Variants in ADAMTS17 observed in about 807,000 individuals in gnomAD.
The protein encoded by ADAMTS17 is A disintegrin and metalloproteinase with thrombospondin motifs 17.
ADAMTS17 carries 113 observed loss-of-function variants against 141.5 expected under a neutral mutation model. The observed-to-expected ratio is 0.80, with a 90% CI of 0.69 to 0.93. ADAMTS17 has a LOEUF of 0.93. Ranked by LOEUF, ADAMTS17 falls within the 40% of genes least tolerant of loss-of-function variation. The pLI, the probability that ADAMTS17 is intolerant of heterozygous loss-of-function variation, is 0.00. For missense variants in ADAMTS17, 1,659 were observed against 1,517.9 expected (o/e 1.09, Z -1.54); for synonymous variants, 768 against 630.6 (o/e 1.22, Z -3.27).
chr15:100,049,546 C>A (rs112125309), intron 17 of ADAMTS17, among the ~76,000 whole-genome samples: 1 of 152,210 alleles, frequency 6.6e-6, no homozygotes, highest in Non-Finnish European at 1.5e-5. Flanking sequence ...GCTGAGCCCC[C>A]ACCTGCTCTT....
intron 7 of ADAMTS17, among the ~76,000 whole-genome samples, chr15:100,201,439 T>C (rs904359589): frequency 5.9e-5 from 9 of 151,936 alleles, no homozygotes; most frequent in African/African-American, 2.2e-4. Context: ...GAACTGAGAG[T>C]CAATTAAACC....
chr15:100,099,474 T>A (rs531348769), intron 14 of ADAMTS17, among the ~76,000 whole-genome samples: 1 of 151,788 alleles, frequency 6.6e-6, no homozygotes, highest in Non-Finnish European at 1.5e-5. Context: ...ATTGTATTTA[T>A]GAGGCTTGGT....
chr15:100,110,074 G>A (rs2141104655), intron 13 of ADAMTS17, among the ~76,000 whole-genome samples: 1 of 150,862 alleles, frequency 6.6e-6, no homozygotes, highest in African/African-American at 2.5e-5. Flanking sequence ...TTGAAGTAAT[G>A]CTGGGTCTGT....
chr15:100,235,343 T>C (rs2042622684), intron 7 of ADAMTS17, among the ~76,000 whole-genome samples: 1 of 151,970 alleles, frequency 6.6e-6, no homozygotes, highest in Non-Finnish European at 1.5e-5. Flanking sequence ...GCACCTGGCT[T>C]TCCTGAGCAT....
At chr15:100,089,798 C>T (rs1219364385) in intron 15 of ADAMTS17, among the ~76,000 whole-genome samples, 1 of 130,890 alleles carries the variant, frequency 7.6e-6, no homozygotes, top group African/African-American at 3.0e-5. Flanking sequence ...CACATGGACA[C>T]AGGAAGGGGA....
intron 7 of ADAMTS17, among the ~76,000 whole-genome samples, chr15:100,200,350 C>A (rs193169815): frequency 2.0e-5 from 3 of 152,204 alleles, no homozygotes; most frequent in Non-Finnish European, 4.4e-5. Context: ...TGGGTGCCGG[C>A]CCCTCTGGGG....
chr15:100,076,389 T>C (rs1487133445), intron 15 of ADAMTS17, among the ~76,000 whole-genome samples: 1 of 152,186 alleles, frequency 6.6e-6, no homozygotes, highest in Non-Finnish European at 1.5e-5. Context: ...ATTTCTGAAA[T>C]TTATGGCAGT....
At chr15:100,065,335 G>A (rs1317270946) in intron 15 of ADAMTS17, among the ~76,000 whole-genome samples, 2 of 152,132 alleles carry the variant, frequency 1.3e-5, no homozygotes, top group Admixed American at 6.5e-5. Context: ...GTATGTATAA[G>A]GTACAAAATT....
At chr15:100,034,781 C>T (rs747724164) in intron 18 of ADAMTS17, among the ~76,000 whole-genome samples, 1 of 152,206 alleles carries the variant, frequency 6.6e-6, no homozygotes, top group East Asian at 1.9e-4. Context: ...TACTTGTTCT[C>T]CTTATTCCTC....
intron 3 of ADAMTS17, among the ~76,000 whole-genome samples, chr15:100,287,493 C>T (rs552674961): frequency 6.6e-6 from 1 of 152,154 alleles, no homozygotes; most frequent in Non-Finnish European, 1.5e-5. Flanking sequence ...ATTCCCCCAA[C>T]CTCACTAGAG....
At chr15:100,025,707 C>A (rs931813252) in intron 18 of ADAMTS17, among the ~76,000 whole-genome samples, 2 of 152,128 alleles carry the variant, frequency 1.3e-5, no homozygotes, top group Non-Finnish European at 2.9e-5. Context: ...AGCCACCACG[C>A]CTTTTCTTTC....
chr15:100,199,399 C>T lies in ADAMTS17; in HGVS notation c.1100G>A (p.Cys367Tyr). 1.2e-6 allele frequency: 2 copies of T among 1,614,174 alleles called. No homozygotes were observed. Among genetic ancestry groups the T allele is most frequent in the Non-Finnish European group, 1.7e-6 (2 of 1,180,018 alleles). ...AAGCACACACTTCCTCTTAGCACTGCACACACCTCCTAAGTAAGCAATTCC... is the reference window on the plus strand; with the variant it reads ...AAGCACACACTTCCTCTTAGCACTGTACACACCTCCTAAGTAAGCAATTCC... ...TVGIAYLGGV[C>Y]SAKRKCVLAE... Residue 367 changes from cysteine (C) to tyrosine (Y), a missense_variant, in exon 8 of 22, where the codon TGC (cysteine) becomes TAC (tyrosine). Transcript: ENST00000268070.
At chr15:100,063,622 G>T (rs1191214879) in intron 15 of ADAMTS17, 2 of 1,274,158 alleles carry the variant, frequency 1.6e-6, no homozygotes, top group Non-Finnish European at 1.0e-6. Context: ...TTACCAGACT[G>T]ATCATCAAAA....
chr15:100,282,259 T>C (rs2044310450), intron 3 of ADAMTS17, among the ~76,000 whole-genome samples: 1 of 152,188 alleles, frequency 6.6e-6, no homozygotes, highest in Non-Finnish European at 1.5e-5. Flanking sequence ...CACTAGCCTA[T>C]ATGGACACAT....
At chr15:100,152,346 T>A (rs1239411453) in intron 10 of ADAMTS17, among the ~76,000 whole-genome samples, 1 of 152,090 alleles carries the variant, frequency 6.6e-6, no homozygotes, top group African/African-American at 2.4e-5. Flanking sequence ...TGGGGGACTG[T>A]GTGTAGATGT....
intron 8 of ADAMTS17, among the ~76,000 whole-genome samples, chr15:100,190,605 C>G (rs1286327326): frequency 2.0e-5 from 3 of 152,174 alleles, no homozygotes; most frequent in African/African-American, 7.2e-5. Context: ...CAGGAGGAAC[C>G]CCAAGAGGGG....
rs200080357 is a variant in ADAMTS17, at chr15:100,330,870, T to C, written c.616+19A>G. The C allele has an allele frequency of 2.7e-5, 43 of 1,613,726 alleles. No homozygotes were observed. Among genetic ancestry groups the C allele is most frequent in the Non-Finnish European group, 3.6e-5 (42 of 1,179,626 alleles). On this transcript the variant is annotated intron_variant, in intron 3 of 21. Transcript: ENST00000268070. Reference sequence around the variant, plus strand: ...CTGTGCGTGTGTTCTAAGCTGGTCATGCTGCTGCCCCGACTCACCTGTTAG... The same window carrying C: ...CTGTGCGTGTGTTCTAAGCTGGTCACGCTGCTGCCCCGACTCACCTGTTAG...
At chr15:100,324,751 A>G (rs1333022795) in intron 3 of ADAMTS17, among the ~76,000 whole-genome samples, 1 of 152,204 alleles carries the variant, frequency 6.6e-6, no homozygotes, top group East Asian at 1.9e-4. Context: ...AGGGCATTGA[A>G]GTGGTCTCCT....
intron 3 of ADAMTS17, chr15:100,305,878 C>T (rs2045206044): frequency 1.3e-5 from 2 of 152,332 alleles, no homozygotes; most frequent in Admixed American, 1.3e-4. Context: ...TAAACAAACT[C>T]ATCACATTGT....
Sources: gnomAD v4.1 joint callset for allele counts (sites outside exome capture counted in the v4.1 genomes callset) on GRCh38, gnomAD v4.1.1 for gene constraint, MANE v1.5 for transcripts, NCBI Gene and HGNC (gene_info 2026-07-23, HGNC 2026-07-21) for gene names.